The following SCN10A variants were observed in gnomAD, a reference collection of about 807,000 sequenced individuals.
SCN10A encodes sodium voltage-gated channel alpha subunit 10, also known as sodium channel protein type 10 subunit alpha.
A neutral mutation model predicts 170.7 loss-of-function variants in SCN10A; 162 were observed. That is an observed-to-expected ratio of 0.95 (90% CI 0.84 to 1.08). The LOEUF (loss-of-function observed/expected upper bound fraction) is 1.08, where lower values mean the gene tolerates loss of function less well. Ranked by LOEUF, SCN10A falls within the 50% of genes least tolerant of loss-of-function variation. The pLI is 0.00. For missense variants in SCN10A, 2,527 were observed against 2,436.9 expected (o/e 1.04, Z -0.78); for synonymous variants, 985 against 904.6 (o/e 1.09, Z -1.59).
chr3:38,777,076 T>C (rs925775010), intron 4 of SCN10A, among the ~76,000 whole-genome samples: 12 of 151,938 alleles, frequency 7.9e-5, no homozygotes, highest in Non-Finnish European at 1.6e-4. Context: ...TAGTGAAACA[T>C]TAGAAGCACA....
intron 1 of SCN10A, among the ~76,000 whole-genome samples, chr3:38,799,357 G>C (rs2064358466): frequency 6.6e-6 from 1 of 152,166 alleles, no homozygotes; most frequent in Non-Finnish European, 1.5e-5. Flanking sequence ...AGAGAGGACT[G>C]TCTAACCTTG....
chr3:38,737,806 TTCTTTCTTTC>T (rs2063583975), intron 15 of SCN10A, among the ~76,000 whole-genome samples: 1 of 113,306 alleles, frequency 8.8e-6, no homozygotes, highest in African/African-American at 4.3e-5. Flanking sequence ...TCCTCTTTCT[TTCTTTCTTTC>T]TTTCTTTCTT....
chr3:38,815,678 G>A (rs2126068004), intron 1 of SCN10A, among the ~76,000 whole-genome samples: 1 of 152,286 alleles, frequency 6.6e-6, no homozygotes, highest in South Asian at 2.1e-4. Flanking sequence ...TGTTATCACA[G>A]TTTTTGTTAA....
At chr3:38,713,624 G>A (rs1253055681) in intron 22 of SCN10A, among the ~76,000 whole-genome samples, 2 of 152,194 alleles carry the variant, frequency 1.3e-5, no homozygotes, top group Admixed American at 6.5e-5. Flanking sequence ...GTGGGGCCCC[G>A]GAGCTCAGGG....
chr3:38,772,877 A>G lies in SCN10A; in HGVS notation c.471-1470T>C, dbSNP rs946211674. ...TTGAAAACAAAAATATGATAGCAAA[A>G]GTAAAACACTAATAGGCGGACTTGT... On this transcript the variant is annotated intron_variant, in intron 4 of 27. Coordinates refer to ENST00000449082, the MANE Select transcript of SCN10A (RefSeq NM_006514.4). Among the ~76,000 whole-genome samples, 78 of 151,806 alleles carry G rather than the reference A, an allele frequency of 5.1e-4. 2 individuals are homozygous for G. Among genetic ancestry groups the G allele is most frequent in the Non-Finnish European group, 2.9e-5 (2 of 68,032 alleles).
chr3:38,709,910 A>C (rs2063253955), intron 24 of SCN10A, among the ~76,000 whole-genome samples: 1 of 152,228 alleles, frequency 6.6e-6, no homozygotes, highest in African/African-American at 2.4e-5. Flanking sequence ...GGGAAACTGG[A>C]GTATTTATCC....
chr3:38,758,698 C>A (rs562777298), intron 8 of SCN10A, among the ~76,000 whole-genome samples: 1 of 152,192 alleles, frequency 6.6e-6, no homozygotes, highest in Non-Finnish European at 1.5e-5. Context: ...TCACGGCATG[C>A]CCCGGCAGGG....
rs576999040 is a variant in SCN10A, at chr3:38,761,344, T to C, written c.731A>G (p.Lys244Arg). Residue 244 changes from lysine to arginine, a missense_variant, in exon 7 of 28, where the codon AAG (lysine) becomes AGG (arginine). By Grantham distance (26) the Lys-to-Arg change is conservative. Coordinates refer to ENST00000449082, the MANE Select transcript of SCN10A (RefSeq NM_006514.4). ...VIVGALIHSV[K>R]KLADVTILTI... Reference sequence around the variant, plus strand: ...GAGGATGGTCACATCAGCCAGTTTCTTCACTGAGTGAATCAGGGCCCCCAC... The same window carrying C: ...GAGGATGGTCACATCAGCCAGTTTCCTCACTGAGTGAATCAGGGCCCCCAC... 91 of 1,613,834 alleles carry C rather than the reference T, an allele frequency of 5.6e-5. No individual in the cohort carries two copies. The South Asian group carries it at 9.1e-4, about 16-fold the overall frequency.
In SCN10A at chr3:38,789,052, TA is replaced by T; in HGVS notation, c.390-17del. The T allele has an allele frequency of 6.5e-7, 1 of 1,544,580 alleles. No individual in the cohort carries two copies. Among genetic ancestry groups the T allele is most frequent in the Non-Finnish European group, 8.9e-7 (1 of 1,117,354 alleles). On this transcript the variant is annotated splice_polypyrimidine_tract_variant and intron_variant, in intron 3 of 27. Coordinates refer to ENST00000449082, the MANE Select transcript of SCN10A (RefSeq NM_006514.4). ...ACTGAACCACCTGAAAGGCCTGTGT[TA>T]AGGAAAAGCTGAGATCACCAAGTCT...
chr3:38,714,146 A>G lies in SCN10A; in HGVS notation c.3682-66T>C, dbSNP rs6793226. On this transcript the variant is annotated intron_variant, in intron 21 of 27. Coordinates refer to ENST00000449082, the MANE Select transcript of SCN10A (RefSeq NM_006514.4). ...AGAAAGGCAGTCCTCGTGGAAGGAGACAGGAACTCCCTGCCCAGCCTCCCA... is the reference window on the plus strand; with the variant it reads ...AGAAAGGCAGTCCTCGTGGAAGGAGGCAGGAACTCCCTGCCCAGCCTCCCA... The G allele has an allele frequency of 0.024, 38,158 of 1,591,810 alleles. 2,238 individuals are homozygous for G. Among genetic ancestry groups the G allele is most frequent in the African/African-American group, 0.23 (16,967 of 74,576 alleles).
chr3:38,710,955 T>C, intron 23 of SCN10A, 58 bp from the exon 24 acceptor site: 2 of 1,457,276 alleles, frequency 1.4e-6, no homozygotes, highest in Non-Finnish European at 1.9e-6. Context: ...ACTGGACCCT[T>C]CCCAAGCCAT....
chr3:38,802,420 A>G (rs145480873), intron 1 of SCN10A, among the ~76,000 whole-genome samples: 2 of 152,310 alleles, frequency 1.3e-5, no homozygotes, highest in East Asian at 3.9e-4. Flanking sequence ...AGAAGTATAA[A>G]GTGAAATTAT....
intron 4 of SCN10A, among the ~76,000 whole-genome samples, chr3:38,772,724 CAAAAACAAAAACAAA>C (rs2064021611): frequency 8.2e-6 from 1 of 121,864 alleles, no homozygotes; most frequent in African/African-American, 3.4e-5. Context: ...ACAACAACAA[CAAAAACAAAAACAAA>C]AAAAAAAAAA....
chr3:38,779,552 C>A (rs908370487), intron 4 of SCN10A, among the ~76,000 whole-genome samples: 1 of 151,682 alleles, frequency 6.6e-6, no homozygotes, highest in Non-Finnish European at 1.5e-5. Context: ...TTATTAACTT[C>A]TTTCTTTCAT....
intron 25 of SCN10A, among the ~76,000 whole-genome samples, chr3:38,709,004 C>T (rs1046938222): frequency 6.6e-6 from 1 of 152,142 alleles, no homozygotes; most frequent in Non-Finnish European, 1.5e-5. Context: ...ATCTGGGATT[C>T]GATTCCTATT....
At chr3:38,815,628 T>C (rs540064177) in intron 1 of SCN10A, among the ~76,000 whole-genome samples, 43 of 152,320 alleles carry the variant, frequency 2.8e-4, no homozygotes, top group South Asian at 1.7e-3. Context: ...TTTTGTTTAG[T>C]TTTAACAACT....
chr3:38,741,086 GT>G (rs1463282508), intron 14 of SCN10A, among the ~76,000 whole-genome samples: 1 of 152,186 alleles, frequency 6.6e-6, no homozygotes, highest in Non-Finnish European at 1.5e-5. Context: ...GGCGGAGGGA[GT>G]GGTTTCTAGG....
chr3:38,801,920 T>C (rs1033401453), intron 1 of SCN10A, among the ~76,000 whole-genome samples: 4 of 152,162 alleles, frequency 2.6e-5, no homozygotes, highest in African/African-American at 9.7e-5. Flanking sequence ...GTTCCAGTCA[T>C]GCTAACCCAC....
At chr3:38,717,969 C>A (rs1310950977) in intron 21 of SCN10A, among the ~76,000 whole-genome samples, 1 of 152,188 alleles carries the variant, frequency 6.6e-6, no homozygotes, top group Non-Finnish European at 1.5e-5. Context: ...TTCTCTAATG[C>A]AGGGATTACT....
Sources: allele counts gnomAD v4.1 joint callset (sites outside exome capture counted in the v4.1 genomes callset), GRCh38; gene constraint gnomAD v4.1.1; transcripts MANE v1.5; gene names NCBI Gene and HGNC (gene_info 2026-07-23, HGNC 2026-07-21).